The following CLPP variants were observed in gnomAD, a reference collection of about 807,000 sequenced individuals.
CLPP encodes caseinolytic mitochondrial matrix peptidase proteolytic subunit.
A neutral mutation model predicts 27.4 loss-of-function variants in CLPP; 14 were observed. That is an observed-to-expected ratio of 0.51 (90% CI 0.34 to 0.80). The LOEUF is 0.80. CLPP is among the 30% of genes least tolerant of loss of function. CLPP has a pLI of 0.02. For missense variants in CLPP, 361 were observed against 403.6 expected (o/e 0.89, Z 0.90); for synonymous variants, 193 against 166.6 (o/e 1.16, Z -1.22).
intron 3 of CLPP, among the ~76,000 whole-genome samples, chr19:6,364,206 A>AT (rs1241149325): frequency 6.6e-6 from 1 of 151,634 alleles, no homozygotes; most frequent in Non-Finnish European, 1.5e-5. Flanking sequence ...AATTTTTTGT[A>AT]TATTTAGTAG....
chr19:6,362,633 C>G lies in CLPP; in HGVS notation c.367+91C>G, dbSNP rs147239649. On this transcript the variant is annotated intron_variant, in intron 3 of 5. Coordinates refer to ENST00000245816, the MANE Select transcript of CLPP (RefSeq NM_006012.4). ...GAATCCCGGGTCAGGGATGTTCTCT[C>G]TCTGGGAAAGGGTGCAGAGCGTCAG... 3.2e-5 allele frequency: 29 copies of G among 916,682 alleles called. No individual in the cohort carries two copies. In the African/African-American group the frequency reaches 3.9e-4, roughly 12 times the overall value. 56.8% of individuals were successfully genotyped at this position (916,682 alleles called of 1,614,324 possible). A position where few individuals can be genotyped will look rare whatever the true frequency, so the allele number is the denominator to read the frequency against.
chr19:6,363,339 T>G (rs2091845809), intron 3 of CLPP, among the ~76,000 whole-genome samples: 1 of 152,048 alleles, frequency 6.6e-6, no homozygotes, highest in East Asian at 2.0e-4. Context: ...GTTAGGCTGG[T>G]CTTGAACTCC....
At chr19:6,368,486 C>T (rs2091872926) in intron 5 of CLPP, 52 bp from the exon 6 acceptor site, 9 of 1,583,374 alleles carry the variant, frequency 5.7e-6, no homozygotes, top group Non-Finnish European at 7.8e-6. Context: ...CAGACCTGGC[C>T]CTGGGTCTCT....
At chr19:6,363,850 G>A (rs2091848193) in intron 3 of CLPP, among the ~76,000 whole-genome samples, 1 of 150,186 alleles carries the variant, frequency 6.7e-6, no homozygotes, top group Admixed American at 6.7e-5. Flanking sequence ...AGCTGAGATC[G>A]CGCTACTGCA....
intron 2 of CLPP, 124 bp downstream of exon 2, chr19:6,362,064 C>T (rs1353811486): frequency 3.3e-6 from 3 of 897,070 alleles, no homozygotes; most frequent in Admixed American, 2.3e-5. Flanking sequence ...ACCCCCTTCC[C>T]TCCCCTTCTG....
rs959953404 is a variant in CLPP, at chr19:6,369,555, A to G, written c.*845A>G. Among the ~76,000 whole-genome samples, 1 of 152,192 alleles carries G rather than the reference A, an allele frequency of 6.6e-6. No individual in the cohort carries two copies. The highest frequency in any genetic ancestry group is 2.4e-5 in the African/African-American group (1 of 41,454). ...AAGCCTCAAAGGAGGTGAGGGGTGGAGCCTGTGTCCAGGCAGAGGGCACAG... is the reference window on the plus strand; with the variant it reads ...AAGCCTCAAAGGAGGTGAGGGGTGGGGCCTGTGTCCAGGCAGAGGGCACAG... On this transcript the variant is annotated 3_prime_UTR_variant, in exon 6 of 6. Transcript: ENST00000245816.
intron 5 of CLPP, 132 bp from the exon 6 acceptor site, chr19:6,368,406 C>T: frequency 1.2e-6 from 1 of 862,836 alleles, no homozygotes. Flanking sequence ...AATCCCATCC[C>T]ACTAGGGGAT....
At chr19:6,364,011 G>A in intron 3 of CLPP, among the ~76,000 whole-genome samples, 1 of 151,000 alleles carries the variant, frequency 6.6e-6, no homozygotes, top group East Asian at 1.9e-4. Context: ...CATAGTGAAA[G>A]CAGTGAAACC....
At chr19:6,362,665 A>G (rs2091841921) in intron 3 of CLPP, 123 bp downstream of exon 3, 1 of 713,102 alleles carries the variant, frequency 1.4e-6, no homozygotes, top group Non-Finnish European at 2.4e-6. Flanking sequence ...TCAGAGTTCC[A>G]GAAGTGGCTT....
chr19:6,364,945 C>G lies in CLPP; in HGVS notation c.555+306C>G, dbSNP rs150348370. On this transcript the variant is annotated intron_variant, in intron 4 of 5. Transcript: ENST00000245816. ...TTCACCATGTTAGCCAGGATGGTCT[C>G]GATCTCCTGACCTCGTGATCCGCCC... 1,128 of 254,812 alleles carry G rather than the reference C, an allele frequency of 4.4e-3. 15 individuals carry two copies. Among genetic ancestry groups the G allele is most frequent in the African/African-American group, 0.024 (1,049 of 43,756 alleles). The allele number at this position is 254,812 out of a possible 1,614,324, so 15.8% of individuals were successfully genotyped here.
At chr19:6,364,317 A>G in intron 3 of CLPP, 135 bp from the exon 4 acceptor site, 1 of 800,048 alleles carries the variant, frequency 1.2e-6, no homozygotes, top group Non-Finnish European at 2.0e-6. Flanking sequence ...GGCATGAGCC[A>G]CAGCGCCCAG....
chr19:6,365,010 C>T, intron 4 of CLPP: 1 of 194,954 alleles, frequency 5.1e-6, no homozygotes. Context: ...AGGCGTGAGC[C>T]ACCGCGCTGG....
intron 4 of CLPP, among the ~76,000 whole-genome samples, chr19:6,365,697 C>G (rs1273550864): frequency 6.6e-6 from 1 of 151,590 alleles, no homozygotes; most frequent in Non-Finnish European, 1.5e-5. Context: ...ATGCTTGCCT[C>G]TGGTCCCAGC....
In CLPP at chr19:6,368,532, C is replaced by T; in HGVS notation, c.662-6C>T. ...TAATGTGTCTCACCTCCTGCTTCCC[C>T]ACCAGAGTCCGCCATGGAGAGGGAC... On this transcript the variant is annotated splice_polypyrimidine_tract_variant and splice_region_variant and intron_variant, in intron 5 of 5. Transcript: ENST00000245816. 6.2e-7 allele frequency: 1 copy of T among 1,614,066 alleles called. No individual in the cohort carries two copies. The highest frequency in any genetic ancestry group is 8.5e-7 in the Non-Finnish European group (1 of 1,180,000).
In CLPP at chr19:6,361,771, C is replaced by T. The variant is rs1313469282; in HGVS notation, c.197C>T (p.Thr66Met). The T allele has an allele frequency of 1.3e-6, 2 of 1,515,076 alleles. No homozygotes were observed. The highest frequency in any genetic ancestry group is 1.9e-5 in the Admixed American group (1 of 52,250). The allele number at this position is 1,515,076 out of a possible 1,614,324, so 93.9% of individuals were successfully genotyped here. Residue 66 changes from threonine (T) to methionine (M), a missense_variant and splice_region_variant, in exon 1 of 6, where the codon ACG becomes ATG. Physicochemically the swap from Thr to Met is moderately conservative, Grantham distance 81 (BLOSUM62 -1). Coordinates refer to ENST00000245816, the MANE Select transcript of CLPP (RefSeq NM_006012.4). Reference protein sequence around the residue: ...LPLIPIVVEQTGRGERAYDIY... With the variant: ...LPLIPIVVEQMGRGERAYDIY... ...CTCATTCCCATCGTGGTGGAGCAGA[C>T]GGTACGGCGGCCGGGCGGGGACACG... is the stretch of plus-strand genomic sequence containing the variant.
chr19:6,367,086 A>C (rs1860833411), intron 5 of CLPP, among the ~76,000 whole-genome samples: 1 of 151,960 alleles, frequency 6.6e-6, no homozygotes, highest in African/African-American at 2.4e-5. Flanking sequence ...GAAAAGAAAA[A>C]AAAATTTTAG....
intron 3 of CLPP, 81 bp from the exon 4 acceptor site, chr19:6,364,370 AC>A: frequency 1.5e-6 from 2 of 1,343,332 alleles, no homozygotes; most frequent in Non-Finnish European, 1.0e-6. Context: ...CATCTGTTCC[AC>A]CCTCCCCAGG....
At chr19:6,364,381 G>A (rs1278570653) in intron 3 of CLPP, 71 bp from the exon 4 acceptor site, 39 of 1,442,312 alleles carry the variant, frequency 2.7e-5, no homozygotes, top group Non-Finnish European at 3.6e-5. Context: ...CCCTCCCCAG[G>A]TTTAGGAGAT....
intron 3 of CLPP, among the ~76,000 whole-genome samples, chr19:6,363,644 T>G (rs1244158906): frequency 6.6e-6 from 1 of 152,124 alleles, no homozygotes; most frequent in Non-Finnish European, 1.5e-5. Flanking sequence ...ACGCTTGTCA[T>G]TCCAGCACTT....
Sources: gnomAD v4.1 joint callset for allele counts (sites outside exome capture counted in the v4.1 genomes callset) on GRCh38, gnomAD v4.1.1 for gene constraint, MANE v1.5 for transcripts, NCBI Gene and HGNC (gene_info 2026-07-23, HGNC 2026-07-21) for gene names.